The following PNLIPRP3 variants were observed in gnomAD, a reference collection of about 807,000 sequenced individuals.
PNLIPRP3 encodes pancreatic lipase related protein 3.
Under a neutral mutation model 52.8 loss-of-function variants are expected in PNLIPRP3, and 58 were observed. The ratio of observed to expected loss-of-function variants is 1.10; its 90% CI spans 0.89 to 1.37. PNLIPRP3 has a LOEUF of 1.37. Ranked by LOEUF, PNLIPRP3 falls within the 40% of genes most tolerant of loss-of-function variation. PNLIPRP3 has a pLI of 0.00. For synonymous variants in PNLIPRP3, 192 were observed against 185.0 expected (o/e 1.04, Z -0.31); for missense variants, 593 against 561.6 (o/e 1.06, Z -0.57).
intron 1 of PNLIPRP3, among the ~76,000 whole-genome samples, chr10:116,431,674 A>G (rs1295804519): frequency 6.6e-6 from 1 of 152,186 alleles, no homozygotes; most frequent in African/African-American, 2.4e-5. Flanking sequence ...TGCAAACTAG[A>G]AAACAAATAA....
At chr10:116,459,299 C>T (rs1182289777) in intron 5 of PNLIPRP3, among the ~76,000 whole-genome samples, 2 of 150,154 alleles carry the variant, frequency 1.3e-5, no homozygotes, top group East Asian at 3.9e-4. Flanking sequence ...AAAAAAAACA[C>T]ATCCTATGAC....
intron 1 of PNLIPRP3, among the ~76,000 whole-genome samples, chr10:116,431,364 C>T (rs1195460668): frequency 6.6e-6 from 1 of 152,068 alleles, no homozygotes; most frequent in Non-Finnish European, 1.5e-5. Context: ...ATGCTTTAGC[C>T]CTCTGTTACC....
At chr10:116,456,416 T>A (rs1039392718) in intron 5 of PNLIPRP3, among the ~76,000 whole-genome samples, 1 of 152,334 alleles carries the variant, frequency 6.6e-6, no homozygotes, top group East Asian at 1.9e-4. Context: ...TTACACATTG[T>A]ATACATGTCT....
intron 3 of PNLIPRP3, among the ~76,000 whole-genome samples, chr10:116,443,801 GCATATATATATATATATA>G (rs1564695652): frequency 9.9e-4 from 11 of 11,146 alleles, no homozygotes; most frequent in Non-Finnish European, 2.0e-3. Flanking sequence ...ATGTGTGTGT[GCATATATATATATATATA>G]TATATATATA....
chr10:116,471,749 C>G lies in PNLIPRP3; in HGVS notation c.1061-19C>G. On this transcript the variant is annotated intron_variant, in intron 9 of 11. Coordinates refer to ENST00000369230, the MANE Select transcript of PNLIPRP3 (RefSeq NM_001011709.3). ...TTTAACCCTTTCTCTCCCTTTCCTT[C>G]TTGTTTCCTTATATCTAGGTTGGAG... 1 of 1,546,312 alleles carries G rather than the reference C, an allele frequency of 6.5e-7. No individual in the cohort carries two copies. The highest frequency in any genetic ancestry group is 8.9e-7 in the Non-Finnish European group (1 of 1,119,936).
At chr10:116,471,915 C>CT in intron 10 of PNLIPRP3, 36 bp downstream of exon 10, 1 of 1,349,846 alleles carries the variant, frequency 7.4e-7, no homozygotes, top group South Asian at 1.2e-5. Context: ...TTGCACAGTG[C>CT]TGGGGGCTCA....
chr10:116,450,533 T>C (rs1031164535), intron 4 of PNLIPRP3, among the ~76,000 whole-genome samples: 2 of 152,114 alleles, frequency 1.3e-5, no homozygotes, highest in African/African-American at 4.8e-5. Flanking sequence ...AGTTGGTTTG[T>C]TGAAAAGATG....
At position 116,461,526 on chromosome 10, in the gene PNLIPRP3, A is replaced by G. The variant is rs17094784; in HGVS notation, c.808+236A>G. Among the ~76,000 whole-genome samples the G allele has an allele frequency of 6.7e-3, 1,016 of 152,334 alleles. 11 individuals carry two copies. Among genetic ancestry groups the G allele is most frequent in the East Asian group, 0.025 (130 of 5,180 alleles). ...ATCTCTAGCATATTGCAGTCACTCA[A>G]TATAAACAAGGAAGGTGTGTTATTC... On this transcript the variant is annotated intron_variant, in intron 7 of 11. Transcript: ENST00000369230.
intron 8 of PNLIPRP3, among the ~76,000 whole-genome samples, chr10:116,468,299 C>A (rs761978929): frequency 6.6e-6 from 1 of 151,992 alleles, no homozygotes; most frequent in Non-Finnish European, 1.5e-5. Flanking sequence ...TTTAAAATGT[C>A]TATCGATTGC....
In PNLIPRP3 at chr10:116,443,038, C is replaced by G; in HGVS notation, c.205-17C>G. 2 of 1,542,104 alleles carry G rather than the reference C, an allele frequency of 1.3e-6. No homozygotes were observed. Among genetic ancestry groups the G allele is most frequent in the South Asian group, 1.3e-5 (1 of 78,680 alleles). On this transcript the variant is annotated splice_polypyrimidine_tract_variant and intron_variant, in intron 2 of 11. Coordinates refer to ENST00000369230, the MANE Select transcript of PNLIPRP3 (RefSeq NM_001011709.3). ...TTTAATTATTATTTTTCCTTAATCT[C>G]TTTCTGCTTGAAACAGGAGATCAGT...
chr10:116,445,119 G>T (rs760774863), intron 4 of PNLIPRP3, among the ~76,000 whole-genome samples: 5 of 152,090 alleles, frequency 3.3e-5, no homozygotes, highest in Non-Finnish European at 7.4e-5. Context: ...TTTAAGGAGG[G>T]TTCATTCATT....
intron 4 of PNLIPRP3, among the ~76,000 whole-genome samples, chr10:116,450,628 A>G (rs1846020762): frequency 6.6e-6 from 1 of 152,260 alleles, no homozygotes; most frequent in East Asian, 1.9e-4. Flanking sequence ...AGGAGACATG[A>G]CAATTGAGAC....
chr10:116,465,467 G>A (rs933234463), intron 7 of PNLIPRP3, among the ~76,000 whole-genome samples: 1 of 151,950 alleles, frequency 6.6e-6, no homozygotes, highest in Admixed American at 6.6e-5. Flanking sequence ...CCCCGGAGGT[G>A]GAGCTTGCAG....
chr10:116,436,874 A>G lies in PNLIPRP3; in HGVS notation c.204+9A>G. 6.4e-7 allele frequency: 1 copy of G among 1,570,330 alleles called. No homozygotes were observed. The highest frequency in any genetic ancestry group is 1.4e-5 in the African/African-American group (1 of 73,938). On this transcript the variant is annotated intron_variant, in intron 2 of 11. Transcript: ENST00000369230. ...ATCCCAATGCCTATCAGGTAAGCTA[A>G]CTTGCAGCCTTCACACATGGATTAT...
At chr10:116,460,668 A>C (rs1846178020) in intron 5 of PNLIPRP3, among the ~76,000 whole-genome samples, 1 of 152,184 alleles carries the variant, frequency 6.6e-6, no homozygotes, top group Non-Finnish European at 1.5e-5. Context: ...GAACCTTTGT[A>C]ATTCATAACC....
intron 1 of PNLIPRP3, among the ~76,000 whole-genome samples, chr10:116,432,363 T>G (rs1369590541): frequency 2.0e-5 from 3 of 152,224 alleles, no homozygotes; most frequent in Non-Finnish European, 4.4e-5. Context: ...ACTAGCTTCA[T>G]GTAATGTGCT....
At chr10:116,432,885 C>T (rs925433153) in intron 1 of PNLIPRP3, among the ~76,000 whole-genome samples, 6 of 151,684 alleles carry the variant, frequency 4.0e-5, no homozygotes, top group East Asian at 3.9e-4. Context: ...GAGGTCGAGG[C>T]GGGCGGATCA....
chr10:116,433,722 A>G (rs954908645), intron 1 of PNLIPRP3, among the ~76,000 whole-genome samples: 2 of 151,924 alleles, frequency 1.3e-5, no homozygotes, highest in African/African-American at 4.9e-5. Context: ...CAGTTGCATC[A>G]TTTTCCTTTG....
At chr10:116,456,535 C>T (rs1341607831) in intron 5 of PNLIPRP3, among the ~76,000 whole-genome samples, 3 of 152,118 alleles carry the variant, frequency 2.0e-5, no homozygotes, top group Non-Finnish European at 2.9e-5. Context: ...CTGGACGTTC[C>T]TGACACACTT....
Sources: gnomAD v4.1 joint callset for allele counts (sites outside exome capture counted in the v4.1 genomes callset) on GRCh38, gnomAD v4.1.1 for gene constraint, MANE v1.5 for transcripts, NCBI Gene and HGNC (gene_info 2026-07-23, HGNC 2026-07-21) for gene names.